KCND2: variants seen among roughly 807,000 people sequenced by gnomAD.
KCND2 encodes potassium voltage-gated channel subfamily D member 2.
In KCND2, 16 loss-of-function variants were observed where a neutral mutation model predicts 54.4. The observed-to-expected ratio is 0.29, with a 90% CI of 0.20 to 0.45. The LOEUF is 0.45. Among genes scored for constraint, KCND2 ranks in the 20% least tolerant of loss-of-function variants. The pLI, the probability that KCND2 is intolerant of heterozygous loss-of-function variation, is 1.00. For synonymous variants in KCND2, 317 were observed against 310.7 expected (o/e 1.02, Z -0.21); for missense variants, 486 against 824.2 (o/e 0.59, Z 5.02).
intron 1 of KCND2, among the ~76,000 whole-genome samples, chr7:120,284,886 A>G (rs1268957423): frequency 6.6e-6 from 1 of 152,156 alleles, no homozygotes; most frequent in Admixed American, 6.6e-5. Flanking sequence ...ACAGAGCAGC[A>G]TCACCAAGCA....
intron 1 of KCND2, among the ~76,000 whole-genome samples, chr7:120,686,743 T>A (rs1478224599): frequency 6.6e-6 from 1 of 152,104 alleles, no homozygotes. Context: ...GTTGTATCCA[T>A]GCTCACCTGA....
intron 1 of KCND2, among the ~76,000 whole-genome samples, chr7:120,678,327 C>A (rs1007777024): frequency 7.2e-6 from 1 of 138,034 alleles, no homozygotes; most frequent in Non-Finnish European, 1.5e-5. Flanking sequence ...AGCTCTTCTA[C>A]CGTAGGTATG....
At chr7:120,546,747 A>G (rs1412914328) in intron 1 of KCND2, among the ~76,000 whole-genome samples, 1 of 152,050 alleles carries the variant, frequency 6.6e-6, no homozygotes, top group East Asian at 1.9e-4. Context: ...CATCAAGTAC[A>G]CAAATTATAA....
intron 1 of KCND2, among the ~76,000 whole-genome samples, chr7:120,708,810 T>C (rs1344625713): frequency 6.6e-6 from 1 of 152,152 alleles, no homozygotes; most frequent in Non-Finnish European, 1.5e-5. Context: ...TATCATAATG[T>C]GCAACTATGC....
At chr7:120,691,166 A>G (rs932353503) in intron 1 of KCND2, among the ~76,000 whole-genome samples, 1 of 152,222 alleles carries the variant, frequency 6.6e-6, no homozygotes, top group African/African-American at 2.4e-5. Flanking sequence ...GACCATCCCA[A>G]TGACTGCTTT....
At chr7:120,709,145 T>C (rs144950670) in intron 1 of KCND2, among the ~76,000 whole-genome samples, 150 of 152,190 alleles carry the variant, frequency 9.9e-4, no homozygotes, top group African/African-American at 3.2e-3. Context: ...GCAAGGAAAA[T>C]GTGCCATTAA....
At chr7:120,440,499 C>T (rs757207356) in intron 1 of KCND2, among the ~76,000 whole-genome samples, 1 of 151,878 alleles carries the variant, frequency 6.6e-6, no homozygotes, top group Non-Finnish European at 1.5e-5. Context: ...TTGGTGTAAT[C>T]CCATTTGTCT....
intron 1 of KCND2, among the ~76,000 whole-genome samples, chr7:120,398,975 C>A (rs905827233): frequency 6.6e-6 from 1 of 152,014 alleles, no homozygotes; most frequent in Non-Finnish European, 1.5e-5. Context: ...CTCTCCCCTC[C>A]ATAAAGCCTT....
chr7:120,586,480 T>G (rs1161962788), intron 1 of KCND2, among the ~76,000 whole-genome samples: 1 of 152,154 alleles, frequency 6.6e-6, no homozygotes, highest in African/African-American at 2.4e-5. Context: ...AAAATTATTA[T>G]AAAGGAATCC....
In KCND2 at chr7:120,509,965, A is replaced by G. The variant is rs1335838262; in HGVS notation, c.1116-222938A>G. Among the ~76,000 whole-genome samples, 3 of 152,148 alleles carry G rather than the reference A, an allele frequency of 2.0e-5. No individual in the cohort carries two copies. The East Asian group carries it at 5.8e-4, about 30-fold the overall frequency. The stretch of plus-strand genomic sequence containing the variant: ...GCCGTTGTGCAAATACTCTCTCTAC[A>G]TCATTGGACATCTAGCCACAAGACC... On this transcript the variant is annotated intron_variant, in intron 1 of 5. Transcript: ENST00000331113.
At chr7:120,335,216 A>T (rs911190932) in intron 1 of KCND2, among the ~76,000 whole-genome samples, 1 of 151,862 alleles carries the variant, frequency 6.6e-6, no homozygotes, top group Non-Finnish European at 1.5e-5. Context: ...TACAAAAATT[A>T]GCTGGGCGTG....
intron 1 of KCND2, among the ~76,000 whole-genome samples, chr7:120,473,566 A>G (rs755789284): frequency 1.2e-4 from 18 of 152,176 alleles, no homozygotes; most frequent in Non-Finnish European, 2.5e-4. Context: ...GTGTCAGGAT[A>G]GCAAATTTCA....
chr7:120,452,249 G>A (rs1476820320), intron 1 of KCND2, among the ~76,000 whole-genome samples: 1 of 152,192 alleles, frequency 6.6e-6, no homozygotes, highest in Non-Finnish European at 1.5e-5. Flanking sequence ...CCTTGTGCAA[G>A]TTACTTAATC....
At chr7:120,621,017 G>A (rs961237338) in intron 1 of KCND2, among the ~76,000 whole-genome samples, 1 of 152,078 alleles carries the variant, frequency 6.6e-6, no homozygotes, top group African/African-American at 2.4e-5. Flanking sequence ...GCTCACACTT[G>A]TAATCCCAGC....
intron 1 of KCND2, among the ~76,000 whole-genome samples, chr7:120,613,866 A>G (rs1792988690): frequency 6.6e-6 from 1 of 152,198 alleles, no homozygotes; most frequent in Admixed American, 6.5e-5. Context: ...GTACATATAC[A>G]TATTAACTAT....
In KCND2 at chr7:120,354,162, C is replaced by T. The variant is rs571175745; in HGVS notation, c.1115+78415C>T. Among the ~76,000 whole-genome samples, 3 of 152,162 alleles carry T rather than the reference C, an allele frequency of 2.0e-5. No homozygotes were observed. In the South Asian group the frequency reaches 6.2e-4, roughly 32 times the overall value. On this transcript the variant is annotated intron_variant, in intron 1 of 5. Transcript: ENST00000331113. Reference sequence around the variant, plus strand: ...CATATTTTCTTGGAAGAACAACTGACATGTCAACTATGGTTATTCAGATGT... The same window carrying T: ...CATATTTTCTTGGAAGAACAACTGATATGTCAACTATGGTTATTCAGATGT...
At chr7:120,423,809 A>T (rs1454873413) in intron 1 of KCND2, among the ~76,000 whole-genome samples, 4 of 152,298 alleles carry the variant, frequency 2.6e-5, no homozygotes, top group Middle Eastern at 6.8e-3. Context: ...GCATTTTAAA[A>T]TTTGGCTTTC....
At chr7:120,586,468 CA>C (rs1453896622) in intron 1 of KCND2, among the ~76,000 whole-genome samples, 1 of 152,032 alleles carries the variant, frequency 6.6e-6, no homozygotes, top group South Asian at 2.1e-4. Flanking sequence ...ACATTATTAT[CA>C]AAAATTATTA....
chr7:120,462,976 A>G (rs114505525), intron 1 of KCND2, among the ~76,000 whole-genome samples: 223 of 152,100 alleles, frequency 1.5e-3, no homozygotes, highest in African/African-American at 5.0e-3. Context: ...CTTTTCTACT[A>G]TCTGTATGTC....
Sources: allele counts gnomAD v4.1 joint callset (sites outside exome capture counted in the v4.1 genomes callset), GRCh38; gene constraint gnomAD v4.1.1; transcripts MANE v1.5; gene names NCBI Gene and HGNC (gene_info 2026-07-23, HGNC 2026-07-21).